Variants in TARBP1 observed in about 807,000 individuals in gnomAD.
TARBP1 encodes the protein tRNA guanosine 2 -O-methyltransferase TARBP1, also known as tRNA (guanosine(18)-2'-O)-methyltransferase TARBP1.
In TARBP1, 144 loss-of-function variants were observed where a neutral mutation model predicts 178.6. That is an observed-to-expected ratio of 0.81 (90% CI 0.70 to 0.93). The LOEUF is 0.93. Among genes scored for constraint, TARBP1 ranks in the 40% least tolerant of loss-of-function variants. TARBP1 has a pLI of 0.00. For missense variants in TARBP1, 2,067 were observed against 2,011.7 expected (o/e 1.03, Z -0.53); for synonymous variants, 787 against 781.0 (o/e 1.01, Z -0.13).
chr1:234,437,382 G>T lies in TARBP1; in HGVS notation c.2135-10C>A, dbSNP rs763930982. The T allele has an allele frequency of 6.3e-6, 9 of 1,431,648 alleles. No homozygotes were observed. The highest frequency in any genetic ancestry group is 1.4e-5 in the South Asian group (1 of 72,614). 88.7% of individuals were successfully genotyped at this position (1,431,648 alleles called of 1,614,324 possible). A position where few individuals can be genotyped will look rare whatever the true frequency, so the allele number is the denominator to read the frequency against. ...ACAGTAGACACCTCATCTGTATGGG[G>T]GCAAAAAGCATGCAACTAAAATGAC... On this transcript the variant is annotated splice_polypyrimidine_tract_variant and intron_variant, in intron 12 of 29. Transcript: ENST00000040877.
intron 24 of TARBP1, among the ~76,000 whole-genome samples, chr1:234,401,614 C>T (rs1213276963): frequency 9.2e-5 from 14 of 152,020 alleles, no homozygotes; most frequent in Admixed American, 7.2e-4. Flanking sequence ...CTATGAGCAG[C>T]GTTTAAATTT....
chr1:234,478,164 G>A lies in TARBP1; in HGVS notation c.931+9C>T. 3 of 1,611,436 alleles carry A rather than the reference G, an allele frequency of 1.9e-6. No individual in the cohort carries two copies. Among genetic ancestry groups the A allele is most frequent in the Non-Finnish European group, 2.5e-6 (3 of 1,179,238 alleles). On this transcript the variant is annotated intron_variant, in intron 1 of 29. Transcript: ENST00000040877. ...GTAGCACTAGGCTGGGGGGCAAAGA[G>A]GCAGGTACCGTTTCCTTCCTGGGGC...
chr1:234,473,362 A>C (rs12075635), intron 1 of TARBP1, among the ~76,000 whole-genome samples: 2,384 of 152,356 alleles, frequency 0.016, 69 homozygotes, highest in African/African-American at 0.053. Flanking sequence ...TCACATCCCC[A>C]GGCCACTTTC....
intron 22 of TARBP1, among the ~76,000 whole-genome samples, chr1:234,413,627 G>A (rs547191700): frequency 5.9e-5 from 9 of 152,282 alleles, no homozygotes; most frequent in South Asian, 2.1e-4. Context: ...CAAGCCTTAC[G>A]GGATACTCCG....
At chr1:234,438,644 A>C (rs1219442550) in intron 12 of TARBP1, among the ~76,000 whole-genome samples, 1 of 152,230 alleles carries the variant, frequency 6.6e-6, no homozygotes. Flanking sequence ...CATCTGTGGG[A>C]TAATAACAAC....
At chr1:234,392,696 C>A in intron 28 of TARBP1, 144 bp from the exon 29 acceptor site, 1 of 619,704 alleles carries the variant, frequency 1.6e-6, no homozygotes, top group Non-Finnish European at 2.5e-6. Context: ...AGAACTCTCC[C>A]AACATGACAT....
At chr1:234,404,791 CCT>C (rs1322960259) in intron 24 of TARBP1, among the ~76,000 whole-genome samples, 4 of 152,162 alleles carry the variant, frequency 2.6e-5, no homozygotes, top group African/African-American at 4.8e-5. Context: ...CTGCTACTCC[CCT>C]GTTTTATTTC....
At chr1:234,464,903 A>C (rs1433989445) in intron 5 of TARBP1, among the ~76,000 whole-genome samples, 1 of 152,242 alleles carries the variant, frequency 6.6e-6, no homozygotes, top group Non-Finnish European at 1.5e-5. Flanking sequence ...TCTCACTGTC[A>C]ACCTTTTCAA....
Position 234,430,108 on chromosome 1 carries a change from G to C in TARBP1, c.2588C>G (p.Ala863Gly). 6.2e-7 allele frequency: 1 copy of C among 1,613,676 alleles called. No individual in the cohort carries two copies. Among genetic ancestry groups the C allele is most frequent in the Non-Finnish European group, 8.5e-7 (1 of 1,179,630 alleles). Residue 863 changes from alanine (A) to glycine (G), a missense_variant, in exon 15 of 30, where the codon GCT becomes GGT. Coordinates refer to ENST00000040877, the MANE Select transcript of TARBP1 (RefSeq NM_005646.4). ...KPHAEEQSSY[A>G]HPLECSSVLE... is the part of the protein sequence containing the mutation. ...GTACCTGCTGCACTCCAAGGGGTGA[G>C]CATAACTGCTCTGCTCCTCTGCGTG...
intron 17 of TARBP1, among the ~76,000 whole-genome samples, chr1:234,428,230 A>G (rs1664002621): frequency 6.6e-6 from 1 of 152,308 alleles, no homozygotes; most frequent in South Asian, 2.1e-4. Flanking sequence ...CAGGAGGTAC[A>G]CTGGAACTCC....
At chr1:234,420,558 G>T (rs936590333) in intron 21 of TARBP1, 144 bp downstream of exon 21, 9 of 477,178 alleles carry the variant, frequency 1.9e-5, no homozygotes, top group Admixed American at 4.3e-5. Context: ...AAAAACTTTT[G>T]AATAACTTCA....
chr1:234,424,432 C>T (rs1424543061), intron 20 of TARBP1, among the ~76,000 whole-genome samples: 1 of 152,120 alleles, frequency 6.6e-6, no homozygotes, highest in Non-Finnish European at 1.5e-5. Context: ...GAATAAATAA[C>T]GAATTTTCAT....
intron 23 of TARBP1, chr1:234,407,075 C>T (rs944883461): frequency 2.0e-5 from 3 of 152,190 alleles, no homozygotes; most frequent in Non-Finnish European, 4.4e-5. Flanking sequence ...CTCAACATGT[C>T]ATCAACATTT....
intron 6 of TARBP1, among the ~76,000 whole-genome samples, chr1:234,461,017 T>C (rs1055840623): frequency 3.3e-5 from 5 of 152,220 alleles, no homozygotes; most frequent in African/African-American, 1.2e-4. Context: ...GATCAGTGGC[T>C]GCCAGGAGCT....
intron 21 of TARBP1, among the ~76,000 whole-genome samples, chr1:234,418,758 A>G (rs1464694895): frequency 6.6e-6 from 1 of 152,206 alleles, no homozygotes. Context: ...TAAGACCTTG[A>G]GCTCCAAAAT....
intron 9 of TARBP1, among the ~76,000 whole-genome samples, chr1:234,455,784 C>T (rs964667399): frequency 1.3e-5 from 2 of 151,672 alleles, no homozygotes; most frequent in African/African-American, 4.8e-5. Flanking sequence ...AAATTATTTG[C>T]AGTAGGTATA....
chr1:234,445,065 C>T (rs1261520907), intron 12 of TARBP1, among the ~76,000 whole-genome samples: 1 of 152,176 alleles, frequency 6.6e-6, no homozygotes, highest in Non-Finnish European at 1.5e-5. Flanking sequence ...ACTACTGCCC[C>T]AAATTGCTTC....
intron 28 of TARBP1, 132 bp from the exon 29 acceptor site, chr1:234,392,684 A>G (rs1253243232): frequency 1.3e-6 from 1 of 746,962 alleles, no homozygotes; most frequent in Non-Finnish European, 2.0e-6. Flanking sequence ...ACATTATAAA[A>G]AAGAACTCTC....
At chr1:234,444,527 C>T (rs566510058) in intron 12 of TARBP1, among the ~76,000 whole-genome samples, 31 of 152,244 alleles carry the variant, frequency 2.0e-4, no homozygotes, top group African/African-American at 6.7e-4. Context: ...GGACTACCAT[C>T]ACTGTGAATT....
Sources: gnomAD v4.1 joint callset for allele counts (sites outside exome capture counted in the v4.1 genomes callset) on GRCh38, gnomAD v4.1.1 for gene constraint, MANE v1.5 for transcripts, NCBI Gene and HGNC (gene_info 2026-07-23, HGNC 2026-07-21) for gene names.